CRISP1: variants seen among roughly 807,000 people sequenced by gnomAD.
CRISP1 encodes the protein cysteine rich secretory protein 1.
A neutral mutation model predicts 33.1 loss-of-function variants in CRISP1; 44 were observed. The observed-to-expected ratio is 1.33, with a 90% CI of 1.05 to 1.71. CRISP1 has a LOEUF of 1.71. Among genes scored for constraint, CRISP1 ranks in the 40% most tolerant of loss-of-function variants. The pLI is 0.00. For missense variants in CRISP1, 390 were observed against 301.2 expected, an observed-to-expected ratio of 1.29 and a Z score of -2.18; for synonymous variants, 103 against 98.7, an observed-to-expected ratio of 1.04 and a Z score of -0.26.
chr6:49,840,341 A>G (rs1053494875), intron 6 of CRISP1, among the ~76,000 whole-genome samples: 2 of 152,228 alleles, frequency 1.3e-5, no homozygotes, highest in African/African-American at 4.8e-5. Flanking sequence ...TGTGACTAGT[A>G]TCTGTGGTAG....
chr6:49,846,106 C>G (rs2127471982), intron 5 of CRISP1, among the ~76,000 whole-genome samples: 1 of 152,188 alleles, frequency 6.6e-6, no homozygotes, highest in Non-Finnish European at 1.5e-5. Context: ...AACATTCATG[C>G]CACATTAATG....
chr6:49,860,496 TAAAC>T (rs775088027), intron 1 of CRISP1, among the ~76,000 whole-genome samples: 2 of 152,080 alleles, frequency 1.3e-5, no homozygotes, highest in Admixed American at 6.6e-5. Flanking sequence ...ATGTAGAACT[TAAAC>T]AACAGACTCC....
intron 5 of CRISP1, among the ~76,000 whole-genome samples, chr6:49,846,063 T>C (rs986509052): frequency 1.3e-5 from 2 of 152,152 alleles, no homozygotes; most frequent in Non-Finnish European, 2.9e-5. Context: ...GCGATGGCGT[T>C]GCACAACGAT....
At position 49,839,604 on chromosome 6, in the gene CRISP1, A is replaced by G. The variant is rs116244180; in HGVS notation, c.534-1079T>C. Among the ~76,000 whole-genome samples the G allele has an allele frequency of 6.3e-3, 967 of 152,342 alleles. 13 individuals carry two copies. The highest frequency in any genetic ancestry group is 0.022 in the African/African-American group (933 of 41,582). On this transcript the variant is annotated intron_variant, in intron 6 of 7. Transcript: ENST00000335847. ...ATGATATTTGTTTATCTGAGCTGCT[A>G]AAATTTCACTTTGAAAAGAAGATTA...
At chr6:49,876,805 A>G (rs1772045213) in intron 1 of CRISP1, among the ~76,000 whole-genome samples, 1 of 151,910 alleles carries the variant, frequency 6.6e-6, no homozygotes, top group Non-Finnish European at 1.5e-5. Context: ...AACACTACAT[A>G]TTCTCACTTG....
intron 4 of CRISP1, among the ~76,000 whole-genome samples, chr6:49,847,544 G>A (rs1216575646): frequency 2.6e-5 from 4 of 152,042 alleles, no homozygotes; most frequent in Non-Finnish European, 5.9e-5. Context: ...AGCTTCCTAA[G>A]GTCTCACCAA....
At chr6:49,838,587 TCA>T in intron 6 of CRISP1, 62 bp from the exon 7 acceptor site, 1 of 1,292,726 alleles carries the variant, frequency 7.7e-7, no homozygotes, top group Non-Finnish European at 1.1e-6. Flanking sequence ...AAAACTTTAC[TCA>T]CAGTGTACAA....
At chr6:49,840,726 A>G (rs1285655763) in intron 6 of CRISP1, among the ~76,000 whole-genome samples, 172 bp downstream of exon 6, 1 of 152,194 alleles carries the variant, frequency 6.6e-6, no homozygotes, top group Non-Finnish European at 1.5e-5. Context: ...TCAAGACTCA[A>G]ACTACAGATT....
At position 49,857,918 on chromosome 6, in the gene CRISP1, C is replaced by T. The variant is rs186743222; in HGVS notation, c.-2-516G>A. 2.6e-5 allele frequency among the ~76,000 whole-genome samples: 4 copies of T among 152,246 alleles called. No individual in the cohort carries two copies. The East Asian group carries it at 7.7e-4, about 29-fold the overall frequency. ...GCAGGAAAAGGTAAGGAAACAGATT[C>T]TCCCCATAGAGTTTCCCTGTTGACA... On this transcript the variant is annotated intron_variant, in intron 1 of 7. Coordinates refer to ENST00000335847, the MANE Select transcript of CRISP1 (RefSeq NM_001131.3).
chr6:49,849,809 G>T (rs1454707288), intron 3 of CRISP1, among the ~76,000 whole-genome samples: 1 of 151,992 alleles, frequency 6.6e-6, no homozygotes, highest in Non-Finnish European at 1.5e-5. Context: ...ACTAAACCGT[G>T]AGATGAATTA....
At chr6:49,866,676 A>G (rs1771806219), upstream of CRISP1, 1 of 152,154 alleles carries the variant, frequency 6.6e-6, no homozygotes, top group African/African-American at 2.4e-5. Context: ...TCTAGTTTGT[A>G]ACCAAGGCAA....
At chr6:49,875,800 G>C (rs1044064028) in intron 1 of CRISP1, among the ~76,000 whole-genome samples, 48 of 151,408 alleles carry the variant, frequency 3.2e-4, no homozygotes, top group African/African-American at 1.2e-3. Context: ...CGATGGGTAA[G>C]TATTTCTATT....
intron 1 of CRISP1, among the ~76,000 whole-genome samples, chr6:49,859,071 G>A (rs1418503815): frequency 2.0e-5 from 3 of 152,056 alleles, no homozygotes; most frequent in African/African-American, 7.2e-5. Context: ...CATTTTCATC[G>A]TGGACTTCTG....
At chr6:49,859,750 A>G (rs1413421062) in intron 1 of CRISP1, among the ~76,000 whole-genome samples, 1 of 152,210 alleles carries the variant, frequency 6.6e-6, no homozygotes, top group African/African-American at 2.4e-5. Flanking sequence ...AAATCAACTA[A>G]CAAAATGACA....
At chr6:49,841,700 T>C (rs545246059) in intron 5 of CRISP1, among the ~76,000 whole-genome samples, 35 of 152,300 alleles carry the variant, frequency 2.3e-4, no homozygotes, top group African/African-American at 7.5e-4. Context: ...AAACTTTTCT[T>C]ATCGGTCAGT....
At chr6:49,839,914 G>A (rs1770928905) in intron 6 of CRISP1, among the ~76,000 whole-genome samples, 2 of 152,288 alleles carry the variant, frequency 1.3e-5, no homozygotes, top group African/African-American at 2.4e-5. Context: ...AAAATGTGAA[G>A]TATGGCAGTG....
Position 49,838,492 on chromosome 6 carries a change from AT to A in CRISP1, c.566del (p.Tyr189LeufsTer60). The A allele has an allele frequency of 6.2e-7, 1 of 1,613,414 alleles. No individual in the cohort carries two copies. Among genetic ancestry groups the A allele is most frequent in the Non-Finnish European group, 8.5e-7 (1 of 1,179,680 alleles). ...GNDPETKNEP[Y>X]KTGVPCEACP... ...AGGCTTCACATGGGACGCCTGTCTTATAAGGTTCATTCTTTGTTTCAGGATC... is the reference window on the plus strand; with the variant it reads ...AGGCTTCACATGGGACGCCTGTCTTAAAGGTTCATTCTTTGTTTCAGGATC... On this transcript the variant is annotated frameshift_variant, in exon 7 of 8. Transcript: ENST00000335847. LOFTEE classifies it high-confidence loss of function.
At chr6:49,853,457 AC>A (rs1256448505) in intron 2 of CRISP1, among the ~76,000 whole-genome samples, 13 of 152,080 alleles carry the variant, frequency 8.5e-5, no homozygotes, top group Admixed American at 8.5e-4. Flanking sequence ...GATGAATCCA[AC>A]CCTTTGATGT....
Position 49,838,615 on chromosome 6 carries a change from A to G in CRISP1, c.534-90T>C, listed in dbSNP as rs1299986006. 8.1e-6 allele frequency: 7 copies of G among 866,160 alleles called. No homozygotes were observed. In the African/African-American group the frequency reaches 1.2e-4, roughly 15 times the overall value. 53.7% of individuals were successfully genotyped at this position (866,160 alleles called of 1,614,324 possible). A position where few individuals can be genotyped will look rare whatever the true frequency, so the allele number is the denominator to read the frequency against. ...CAGTGTACAACCAATTTTAAAAACAAATTGTGTAAACATTCTTGTAAAGAA... is the reference window on the plus strand; with the variant it reads ...CAGTGTACAACCAATTTTAAAAACAGATTGTGTAAACATTCTTGTAAAGAA... On this transcript the variant is annotated intron_variant, in intron 6 of 7. Coordinates refer to ENST00000335847, the MANE Select transcript of CRISP1 (RefSeq NM_001131.3).
Sources: gnomAD v4.1 joint callset for allele counts (sites outside exome capture counted in the v4.1 genomes callset) on GRCh38, gnomAD v4.1.1 for gene constraint, MANE v1.5 for transcripts, NCBI Gene and HGNC (gene_info 2026-07-23, HGNC 2026-07-21) for gene names.